The following FAM117B variants were observed in gnomAD, a reference collection of about 807,000 sequenced individuals.
FAM117B encodes protein FAM117B.
Under a neutral mutation model 52.8 loss-of-function variants are expected in FAM117B, and 22 were observed. That is an observed-to-expected ratio of 0.42 (90% confidence interval 0.30 to 0.59). FAM117B has a LOEUF of 0.59. Ranked by LOEUF, FAM117B falls within the 20% of genes least tolerant of loss-of-function variation. The pLI is 0.22. For synonymous variants in FAM117B, 309 were observed against 324.1 expected, an observed-to-expected ratio of 0.95 and a Z score of 0.50; for missense variants, 678 against 802.6, an observed-to-expected ratio of 0.84 and a Z score of 1.88.
intron 1 of FAM117B, among the ~76,000 whole-genome samples, chr2:202,655,707 TGAGA>T (rs60423652): frequency 0.11 from 11,254 of 98,000 alleles, 796 homozygotes; most frequent in East Asian, 0.2. Context: ...GGGAAGAGAG[TGAGA>T]GAGAGAGAGA....
chr2:202,747,529 C>T (rs1691652662), intron 4 of FAM117B, among the ~76,000 whole-genome samples: 1 of 151,876 alleles, frequency 6.6e-6, no homozygotes, highest in Admixed American at 6.6e-5. Flanking sequence ...CTACCCATTC[C>T]AATTTATCTG....
chr2:202,762,114 C>T (rs17477751), intron 7 of FAM117B, among the ~76,000 whole-genome samples: 74,250 of 151,930 alleles, frequency 0.49, 18,837 homozygotes, highest in Middle Eastern at 0.62. Context: ...CCGTGCACAC[C>T]ACAATGAAAG....
Position 202,668,527 on chromosome 2 carries a change from CA to C in FAM117B, c.602-27335del, listed in dbSNP as rs373784165. Reference sequence around the variant, plus strand: ...TGTGTGACAGAGCGAGACTCTCTCTCAAAAAAAAAAAAAAAAAAAGAAAAAG... The same window carrying C: ...TGTGTGACAGAGCGAGACTCTCTCTCAAAAAAAAAAAAAAAAAAGAAAAAG... On this transcript the variant is annotated intron_variant, in intron 1 of 7. Coordinates refer to ENST00000392238, the MANE Select transcript of FAM117B (RefSeq NM_173511.4). Among the ~76,000 whole-genome samples, 686 of 71,648 alleles carry C rather than the reference CA, an allele frequency of 9.6e-3. 3 individuals are homozygous for C. Among genetic ancestry groups the C allele is most frequent in the Non-Finnish European group, 0.015 (557 of 36,022 alleles). The allele number at this position is 71,648 out of a possible 152,430, so 47.0% of individuals were successfully genotyped here.
Position 202,759,324 on chromosome 2 carries a change from T to G in FAM117B, c.1422T>G (p.Cys474Trp). 6.2e-7 allele frequency: 1 copy of G among 1,613,990 alleles called. No individual in the cohort carries two copies. Among genetic ancestry groups the G allele is most frequent in the Non-Finnish European group, 8.5e-7 (1 of 1,180,012 alleles). The stretch of plus-strand genomic sequence containing the variant: ...TCAAAAGGGAACCTCCTGAGGGCTG[T>G]GAAAGGGTCAAAGTCTTTGAGGAAT... ...YMFKREPPEGCERVKVFEECS... is the reference protein window; with the variant it reads ...YMFKREPPEGWERVKVFEECS... The change falls in exon 7 of 8, where the codon TGT (cysteine) becomes TGG (tryptophan). Residue 474 changes from cysteine (C) to tryptophan (W), a missense_variant. By Grantham distance (215) the Cys-to-Trp change is radical. Coordinates refer to ENST00000392238, the MANE Select transcript of FAM117B (RefSeq NM_173511.4).
At position 202,755,671 on chromosome 2, in the gene FAM117B, A is replaced by G. The variant is rs780941948; in HGVS notation, c.1094A>G (p.Glu365Gly). ...ATTAAAGAGACTGGGGAAAAGGAAG[A>G]GCAACTTATAGTAAGTGATCTTGTA... The part of the protein sequence containing the change: ...IIIKETGEKE[E>G]QLIPQDIPDG... Residue 365 changes from glutamate to glycine, a missense_variant, in exon 5 of 8, where the codon GAG becomes GGG. By Grantham distance (98) the Glu-to-Gly change is moderately conservative (BLOSUM62 -2). This residue lies in a region of FAM117B where 583 missense variants were observed against 644.8 expected (regional missense o/e 0.90). Coordinates refer to ENST00000392238, the MANE Select transcript of FAM117B (RefSeq NM_173511.4). 6.2e-7 allele frequency: 1 copy of G among 1,612,838 alleles called. No homozygotes were observed. Among genetic ancestry groups the G allele is most frequent in the Admixed American group, 1.7e-5 (1 of 59,878 alleles).
chr2:202,685,515 A>G (rs1034156749), intron 1 of FAM117B, among the ~76,000 whole-genome samples: 27 of 152,246 alleles, frequency 1.8e-4, no homozygotes, highest in Admixed American at 1.8e-3. Context: ...CCTAAAATTT[A>G]TATGAAACTG....
intron 2 of FAM117B, among the ~76,000 whole-genome samples, chr2:202,703,035 A>G (rs1330522612): frequency 6.6e-6 from 1 of 152,054 alleles, no homozygotes; most frequent in Non-Finnish European, 1.5e-5. Flanking sequence ...CTGGAACTGA[A>G]CTCCCAATAT....
intron 1 of FAM117B, among the ~76,000 whole-genome samples, chr2:202,662,250 G>A (rs1040123507): frequency 6.6e-6 from 1 of 152,046 alleles, no homozygotes; most frequent in African/African-American, 2.4e-5. Flanking sequence ...GGTGAATCTG[G>A]AGGATATTAT....
chr2:202,657,988 C>A (rs1343527868), intron 1 of FAM117B, among the ~76,000 whole-genome samples: 1 of 152,140 alleles, frequency 6.6e-6, no homozygotes, highest in Non-Finnish European at 1.5e-5. Context: ...AGGTGAAATG[C>A]AGAAATCACA....
chr2:202,763,636 C>T (rs758416672), intron 7 of FAM117B, among the ~76,000 whole-genome samples: 2 of 152,140 alleles, frequency 1.3e-5, no homozygotes, highest in Non-Finnish European at 1.5e-5. Context: ...GTATGTTGTT[C>T]TTATCAGTAA....
intron 1 of FAM117B, among the ~76,000 whole-genome samples, chr2:202,669,627 A>C (rs1690259550): frequency 6.6e-6 from 1 of 152,212 alleles, no homozygotes; most frequent in Non-Finnish European, 1.5e-5. Context: ...ATAACTAAGA[A>C]AAAATGTTTT....
intron 1 of FAM117B, among the ~76,000 whole-genome samples, chr2:202,674,027 C>G (rs887011103): frequency 4.0e-5 from 6 of 150,294 alleles, no homozygotes; most frequent in East Asian, 1.9e-4. Flanking sequence ...CTCCCTGCAC[C>G]CCCCCCACCT....
chr2:202,702,589 T>C (rs1009077930), intron 2 of FAM117B, among the ~76,000 whole-genome samples: 2 of 152,110 alleles, frequency 1.3e-5, no homozygotes, highest in African/African-American at 4.8e-5. Flanking sequence ...AATCTTGCTC[T>C]GTCGCCCAGG....
chr2:202,665,186 C>CT (rs1052100943), intron 1 of FAM117B, among the ~76,000 whole-genome samples: 241 of 143,534 alleles, frequency 1.7e-3, no homozygotes, highest in African/African-American at 2.1e-3. Flanking sequence ...TTTCTTTTTT[C>CT]TTTTTTTTTT....
intron 5 of FAM117B, 53 bp from the exon 6 acceptor site, chr2:202,757,160 G>A (rs1691811756): frequency 1.7e-5 from 26 of 1,531,928 alleles, no homozygotes; most frequent in Non-Finnish European, 2.3e-5. Context: ...GTTCATTGCT[G>A]GTGATTCGAA....
rs537750680 is a variant in FAM117B at position 202,652,086 on chromosome 2, G to A, written c.601+16298G>A. Among the ~76,000 whole-genome samples the A allele has an allele frequency of 3.3e-5, 5 of 151,262 alleles. No individual in the cohort carries two copies. The East Asian group carries it at 9.7e-4, about 29-fold the overall frequency. On this transcript the variant is annotated intron_variant, in intron 1 of 7. Coordinates refer to ENST00000392238, the MANE Select transcript of FAM117B (RefSeq NM_173511.4). ...AAAAAAAAAAAAGATAAGGACAAGG[G>A]ATGTCTGTTTATATTATTTTATTTT...
chr2:202,673,433 GTTTTTTTTTTTTTTTTTTTTT>G (rs1158185300), intron 1 of FAM117B, among the ~76,000 whole-genome samples: 5 of 37,510 alleles, frequency 1.3e-4, no homozygotes, highest in African/African-American at 4.7e-4. Context: ...TTCTTTTTCT[GTTTTTTTTTTTTTTTTTTTTT>G]TTTTTTTTTT....
At chr2:202,694,531 A>G (rs1456422555) in intron 1 of FAM117B, among the ~76,000 whole-genome samples, 1 of 151,976 alleles carries the variant, frequency 6.6e-6, no homozygotes, top group Non-Finnish European at 1.5e-5. Context: ...CACATTACTT[A>G]TTAATGTGAG....
Position 202,693,479 on chromosome 2 carries a change from C to T in FAM117B, c.602-2402C>T, listed in dbSNP as rs551473728. On this transcript the variant is annotated intron_variant, in intron 1 of 7. Transcript: ENST00000392238. ...CAAAAGTTAGCTGGCACCTGTAGTC[C>T]CAGCTACTTGGAAGGCTGAGGCAGG... 3.9e-5 allele frequency among the ~76,000 whole-genome samples: 6 copies of T among 152,196 alleles called. No homozygotes were observed. The South Asian group carries it at 8.3e-4, about 21-fold the overall frequency.
Sources: allele counts gnomAD v4.1 joint callset (sites outside exome capture counted in the v4.1 genomes callset), GRCh38; gene constraint gnomAD v4.1.1; regional missense constraint gnomAD v4.1.1; transcripts MANE v1.5; gene names NCBI Gene and HGNC (gene_info 2026-07-23, HGNC 2026-07-21).